ABCA13: variants seen among roughly 807,000 people sequenced by gnomAD.
The protein encoded by ABCA13 is ATP binding cassette subfamily A member 13.
ABCA13 carries 476 observed loss-of-function variants against 478.7 expected under a neutral mutation model. The ratio of observed to expected loss-of-function variants is 0.99; its 90% CI spans 0.92 to 1.07. The LOEUF (loss-of-function observed/expected upper bound fraction) is 1.07. Ranked by LOEUF, ABCA13 falls within the 50% of genes least tolerant of loss-of-function variation. The pLI, the probability that ABCA13 is intolerant of heterozygous loss-of-function variation, is 0.00. For missense variants in ABCA13, 6,060 were observed against 5,910.6 expected, an observed-to-expected ratio of 1.03 and a Z score of -0.83; for synonymous variants, 2,252 against 2,158.9, an observed-to-expected ratio of 1.04 and a Z score of -1.20.
chr7:48,335,799 C>G (rs941051305), intron 28 of ABCA13, among the ~76,000 whole-genome samples: 4 of 152,052 alleles, frequency 2.6e-5, no homozygotes, highest in African/African-American at 9.7e-5. Context: ...AAGCTTAATG[C>G]TTTTTAGATT....
chr7:48,227,138 T>C (rs1375516440), intron 5 of ABCA13, 124 bp from the exon 6 acceptor site: 4 of 864,202 alleles, frequency 4.6e-6, no homozygotes, highest in Non-Finnish European at 7.5e-6. Context: ...TAGTGATATA[T>C]TAAGTGTGAG....
At position 48,373,682 on chromosome 7, in the gene ABCA13, A is replaced by C. The variant is rs575101551; in HGVS notation, c.11134-665A>C. ...TTCCCCATATACTCCTTGTACATAG[A>C]AAAAGAGTCATCCATGATCTGACCT... On this transcript the variant is annotated intron_variant, in intron 33 of 61. Transcript: ENST00000435803. 2.6e-5 allele frequency among the ~76,000 whole-genome samples: 4 copies of C among 152,350 alleles called. No homozygotes were observed. In the East Asian group the frequency reaches 7.7e-4, roughly 29 times the overall value.
intron 38 of ABCA13, among the ~76,000 whole-genome samples, chr7:48,392,892 G>A (rs534041198): frequency 6.6e-6 from 1 of 152,338 alleles, no homozygotes; most frequent in Non-Finnish European, 1.5e-5. Context: ...AGAACTCCCG[G>A]TAGGGTCACA....
At chr7:48,322,792 G>T (rs1377362474) in intron 27 of ABCA13, among the ~76,000 whole-genome samples, 3 of 152,056 alleles carry the variant, frequency 2.0e-5, no homozygotes. Flanking sequence ...CATTTGTCTG[G>T]ATCAGTACAC....
chr7:48,581,015 C>T (rs1788654164), intron 56 of ABCA13, among the ~76,000 whole-genome samples: 2 of 152,120 alleles, frequency 1.3e-5, no homozygotes, highest in African/African-American at 2.4e-5. Flanking sequence ...CGAAGCAGAG[C>T]GGACAGCCTT....
At position 48,403,765 on chromosome 7, in the gene ABCA13, C is replaced by T; in HGVS notation, c.11956C>T (p.Leu3986Phe). The T allele has an allele frequency of 6.2e-7, 1 of 1,614,004 alleles. No individual in the cohort carries two copies. The highest frequency in any genetic ancestry group is 1.7e-5 in the Admixed American group (1 of 60,024). Reference protein sequence around the residue: ...LSGGLKRKLSLGIAFMGMSRT... With the variant: ...LSGGLKRKLSFGIAFMGMSRT... ...TGGAGGCCTGAAGAGGAAGCTCTCC[C>T]TTGGCATTGCTTTCATGGGCATGTC... Residue 3986 changes from leucine to phenylalanine, a missense_variant, in exon 39 of 62, where the codon CTT becomes TTT. Physicochemically the swap from Leu to Phe is conservative, Grantham distance 22 (BLOSUM62 0). Transcript: ENST00000435803.
intron 43 of ABCA13, among the ~76,000 whole-genome samples, chr7:48,461,323 C>T (rs188234395): frequency 9.2e-5 from 14 of 152,264 alleles, no homozygotes; most frequent in South Asian, 2.1e-4. Context: ...CACCAGGCTT[C>T]GTCCAGGTCA....
chr7:48,369,922 G>A (rs1195483482), intron 32 of ABCA13, among the ~76,000 whole-genome samples: 1 of 151,752 alleles, frequency 6.6e-6, no homozygotes, highest in African/African-American at 2.4e-5. Context: ...TTTTAGTTCT[G>A]TGAAGAGTAA....
chr7:48,455,294 G>A lies in ABCA13; in HGVS notation c.12815+8G>A, dbSNP rs1357438563. The stretch of plus-strand genomic sequence containing the variant: ...CGAGACCTACTTTTTCAGGTAAGTT[G>A]TTTTTGTTCCTTTGATTTCGAAATT... On this transcript the variant is annotated splice_region_variant and intron_variant, in intron 43 of 61. Transcript: ENST00000435803. 1.9e-6 allele frequency: 3 copies of A among 1,590,242 alleles called. No homozygotes were observed. Among genetic ancestry groups the A allele is most frequent in the Non-Finnish European group, 1.7e-6 (2 of 1,165,176 alleles).
intron 42 of ABCA13, among the ~76,000 whole-genome samples, chr7:48,442,358 T>C (rs1331701664): frequency 6.6e-6 from 1 of 152,210 alleles, no homozygotes; most frequent in Admixed American, 6.5e-5. Context: ...TTTAGAGATG[T>C]TATCTGATTT....
intron 48 of ABCA13, among the ~76,000 whole-genome samples, chr7:48,499,459 A>G (rs1310840743): frequency 6.6e-6 from 1 of 152,198 alleles, no homozygotes; most frequent in Non-Finnish European, 1.5e-5. Context: ...CTTGAATTGG[A>G]GACATCTTAA....
chr7:48,493,935 G>T (rs1331228269), intron 48 of ABCA13, among the ~76,000 whole-genome samples: 1 of 152,148 alleles, frequency 6.6e-6, no homozygotes, highest in African/African-American at 2.4e-5. Flanking sequence ...CAGGAAAACA[G>T]ACAGAAGTGT....
chr7:48,574,839 T>C (rs1423196666), intron 55 of ABCA13, among the ~76,000 whole-genome samples: 1 of 152,210 alleles, frequency 6.6e-6, no homozygotes, highest in Non-Finnish European at 1.5e-5. Flanking sequence ...GAATCTTTAA[T>C]TCCTAGTCTT....
intron 1 of ABCA13, 62 bp downstream of exon 1, chr7:48,171,614 A>C (rs1032002490): frequency 1.3e-6 from 2 of 1,509,678 alleles, no homozygotes; most frequent in Admixed American, 2.0e-5. Flanking sequence ...ATCAGGGTCT[A>C]TTCTTTCCTG....
chr7:48,536,813 A>C (rs2131096924), intron 55 of ABCA13, among the ~76,000 whole-genome samples: 1 of 152,022 alleles, frequency 6.6e-6, no homozygotes, highest in East Asian at 1.9e-4. Flanking sequence ...TTTTTGTTAA[A>C]TTTCATATGC....
Position 48,352,571 on chromosome 7 carries a change from T to C in ABCA13, c.10688+84T>C, listed in dbSNP as rs1809206043. ...GAGGAGAGAAAACTCAGTTTTTCTATGGTTATTTCAAAAAGCACTGTTAAA... is the reference window on the plus strand; with the variant it reads ...GAGGAGAGAAAACTCAGTTTTTCTACGGTTATTTCAAAAAGCACTGTTAAA... On this transcript the variant is annotated intron_variant, in intron 31 of 61. Coordinates refer to ENST00000435803, the MANE Select transcript of ABCA13 (RefSeq NM_152701.5). 4 of 1,408,374 alleles carry C rather than the reference T, an allele frequency of 2.8e-6. No homozygotes were observed. In the African/African-American group the frequency reaches 4.4e-5, roughly 15 times the overall value. 87.2% of individuals were successfully genotyped at this position (1,408,374 alleles called of 1,614,324 possible). A position where few individuals can be genotyped will look rare whatever the true frequency, so the allele number is the denominator to read the frequency against.
chr7:48,392,764 C>T (rs1403362873), intron 38 of ABCA13, among the ~76,000 whole-genome samples: 3 of 152,052 alleles, frequency 2.0e-5, no homozygotes, highest in African/African-American at 7.3e-5. Context: ...GTGGTGACAG[C>T]CTGATTTATG....
At chr7:48,589,950 A>T (rs1192486987) in intron 57 of ABCA13, among the ~76,000 whole-genome samples, 1 of 152,136 alleles carries the variant, frequency 6.6e-6, no homozygotes, top group Non-Finnish European at 1.5e-5. Flanking sequence ...TTCATTAGGG[A>T]TTGAGTTTTA....
At chr7:48,421,645 G>A (rs1016468951) in intron 41 of ABCA13, among the ~76,000 whole-genome samples, 1 of 152,172 alleles carries the variant, frequency 6.6e-6, no homozygotes, top group Non-Finnish European at 1.5e-5. Flanking sequence ...TCTAGAATCA[G>A]CCATTTCTCC....
Sources: gnomAD v4.1 joint callset for allele counts (sites outside exome capture counted in the v4.1 genomes callset) on GRCh38, gnomAD v4.1.1 for gene constraint, MANE v1.5 for transcripts, NCBI Gene and HGNC (gene_info 2026-07-23, HGNC 2026-07-21) for gene names.